The following LMBRD2 variants were observed in gnomAD, a reference collection of about 807,000 sequenced individuals.
The protein encoded by LMBRD2 is LMBR1 domain containing 2.
LMBRD2 carries 55 observed loss-of-function variants against 94.4 expected under a neutral mutation model. That is an observed-to-expected ratio of 0.58 (90% CI 0.47 to 0.73). LMBRD2 has a LOEUF of 0.73. LMBRD2 is among the 30% of genes least tolerant of loss of function. The pLI, the probability that LMBRD2 is intolerant of heterozygous loss-of-function variation, is 0.00. For missense variants in LMBRD2, 640 were observed against 831.9 expected (o/e 0.77, Z 2.84); for synonymous variants, 246 against 272.4 (o/e 0.90, Z 0.95).
intron 6 of LMBRD2, among the ~76,000 whole-genome samples, chr5:36,124,792 T>C (rs1419367087): frequency 1.3e-5 from 2 of 152,146 alleles, no homozygotes; most frequent in Non-Finnish European, 2.9e-5. Flanking sequence ...CTCAGGCCTG[T>C]AATCCCAGCA....
At chr5:36,136,554 T>A in intron 5 of LMBRD2, 35 bp from the exon 6 acceptor site, 1 of 1,571,824 alleles carries the variant, frequency 6.4e-7, no homozygotes, top group African/African-American at 1.4e-5. Context: ...TATGTATATT[T>A]TAATGGAAAG....
intron 16 of LMBRD2, among the ~76,000 whole-genome samples, chr5:36,107,174 T>G (rs746527489): frequency 2.6e-5 from 4 of 152,164 alleles, no homozygotes; most frequent in Non-Finnish European, 4.4e-5. Flanking sequence ...ATTAAAATAT[T>G]TTTAACATTT....
At chr5:36,134,418 G>A (rs1039329491) in intron 6 of LMBRD2, among the ~76,000 whole-genome samples, 1 of 152,074 alleles carries the variant, frequency 6.6e-6, no homozygotes, top group Admixed American at 6.6e-5. Context: ...TGTGTCCCCT[G>A]AAACCTAACC....
At chr5:36,149,868 T>C (rs540577014) in intron 1 of LMBRD2, among the ~76,000 whole-genome samples, 6 of 152,020 alleles carry the variant, frequency 3.9e-5, no homozygotes, top group Non-Finnish European at 7.4e-5. Context: ...GATTGCGCCA[T>C]TGCACTCCAG....
At chr5:36,130,058 G>A (rs1027678805) in intron 6 of LMBRD2, among the ~76,000 whole-genome samples, 3 of 151,654 alleles carry the variant, frequency 2.0e-5, no homozygotes, top group Non-Finnish European at 4.4e-5. Flanking sequence ...GAGCGGGGAG[G>A]GATAGCATTA....
chr5:36,134,063 T>C (rs1257567826), intron 6 of LMBRD2, among the ~76,000 whole-genome samples: 24 of 152,098 alleles, frequency 1.6e-4, no homozygotes, highest in Admixed American at 1.6e-3. Context: ...AATATCAGTT[T>C]TCAATTTTTT....
At chr5:36,126,369 T>G (rs900921116) in intron 6 of LMBRD2, among the ~76,000 whole-genome samples, 36 of 152,234 alleles carry the variant, frequency 2.4e-4, no homozygotes, top group African/African-American at 8.2e-4. Flanking sequence ...ATTATAAATT[T>G]AGGGTTCCTT....
chr5:36,118,242 T>C (rs1743805203), intron 9 of LMBRD2, among the ~76,000 whole-genome samples: 1 of 152,014 alleles, frequency 6.6e-6, no homozygotes, highest in Admixed American at 6.6e-5. Flanking sequence ...TGGCCTATAC[T>C]CCCCAAAACA....
intron 6 of LMBRD2, among the ~76,000 whole-genome samples, chr5:36,134,654 A>C (rs1299268631): frequency 6.6e-6 from 1 of 152,082 alleles, no homozygotes; most frequent in Admixed American, 6.6e-5. Context: ...CCACCAGAAG[A>C]CAGAAGACAA....
chr5:36,133,753 A>C (rs949608723), intron 6 of LMBRD2, among the ~76,000 whole-genome samples: 1 of 152,168 alleles, frequency 6.6e-6, no homozygotes, highest in African/African-American at 2.4e-5. Flanking sequence ...CTATACTAAA[A>C]TAGCAGAGAA....
At chr5:36,120,222 G>A (rs151323930) in intron 9 of LMBRD2, among the ~76,000 whole-genome samples, 4,854 of 149,104 alleles carry the variant, frequency 0.033, 277 homozygotes, top group African/African-American at 0.11. Flanking sequence ...GTGCAGTGGC[G>A]CAATCTCGGC....
At chr5:36,113,489 T>A (rs1373237783) in intron 13 of LMBRD2, among the ~76,000 whole-genome samples, 1 of 152,098 alleles carries the variant, frequency 6.6e-6, no homozygotes, top group Non-Finnish European at 1.5e-5. Flanking sequence ...CCTGCTACAA[T>A]TTGAAGTTAT....
intron 13 of LMBRD2, among the ~76,000 whole-genome samples, chr5:36,112,097 A>C (rs536582443): frequency 6.6e-6 from 1 of 152,254 alleles, no homozygotes; most frequent in Admixed American, 6.5e-5. Context: ...AAAGCAATTT[A>C]GAAAAAGTGA....
chr5:36,116,357 T>C, intron 11 of LMBRD2, 103 bp downstream of exon 11: 1 of 1,002,796 alleles, frequency 1.0e-6, no homozygotes, highest in Admixed American at 2.4e-5. Flanking sequence ...CTGATAGAAA[T>C]ATAGATGTTA....
In LMBRD2 at chr5:36,098,714, G is replaced by A. The variant is rs1743291712; in HGVS notation, c.*5332C>T. On this transcript the variant is annotated 3_prime_UTR_variant, in exon 18 of 18. Transcript: ENST00000296603. ...AATCAATTTATCAAAACCAAACTGA[G>A]CGAACACTATGCATAGATAAGGCCA... The A allele has an allele frequency of 6.6e-6, 1 of 152,026 alleles. No individual in the cohort carries two copies. Among genetic ancestry groups the A allele is most frequent in the African/African-American group, 2.4e-5 (1 of 41,426 alleles). The allele number at this position is 152,026 out of a possible 1,614,324, so 9.4% of individuals were successfully genotyped here. A position where few individuals can be genotyped will look rare whatever the true frequency, so the allele number is the denominator to read the frequency against.
chr5:36,146,582 G>A (rs1561525149), intron 1 of LMBRD2, among the ~76,000 whole-genome samples: 1 of 152,030 alleles, frequency 6.6e-6, no homozygotes, highest in Non-Finnish European at 1.5e-5. Flanking sequence ...TTGCTATGTT[G>A]CCCAGGCTGG....
chr5:36,116,671 C>A (rs2111861206), intron 10 of LMBRD2, 78 bp from the exon 11 acceptor site: 1 of 1,413,646 alleles, frequency 7.1e-7, no homozygotes, highest in Middle Eastern at 2.0e-4. Context: ...CATTATCCTT[C>A]ATTTCTTTTT....
In LMBRD2 at chr5:36,102,178, TC is replaced by T. The variant is rs1299722356; in HGVS notation, c.*1867del. On this transcript the variant is annotated 3_prime_UTR_variant, in exon 18 of 18. Coordinates refer to ENST00000296603, the MANE Select transcript of LMBRD2 (RefSeq NM_001007527.2). Reference sequence around the variant, plus strand: ...CATTTCTGGGATGATCATTTCCCCATCCAATACCTTCAAGTATCACTAGGAA... The same window carrying T: ...CATTTCTGGGATGATCATTTCCCCATCAATACCTTCAAGTATCACTAGGAA... 2 of 151,914 alleles carry T rather than the reference TC, an allele frequency of 1.3e-5. No homozygotes were observed. The highest frequency in any genetic ancestry group is 3.9e-4 in the East Asian group (2 of 5,192). The allele number at this position is 151,914 out of a possible 1,614,324, so 9.4% of individuals were successfully genotyped here.
chr5:36,122,072 T>C (rs981008346), intron 9 of LMBRD2, among the ~76,000 whole-genome samples: 2 of 152,188 alleles, frequency 1.3e-5, no homozygotes, highest in Non-Finnish European at 2.9e-5. Flanking sequence ...TTTTATTATT[T>C]GTGAAGTAAC....
Sources: gnomAD v4.1 joint callset for allele counts (sites outside exome capture counted in the v4.1 genomes callset) on GRCh38, gnomAD v4.1.1 for gene constraint, MANE v1.5 for transcripts, NCBI Gene and HGNC (gene_info 2026-07-23, HGNC 2026-07-21) for gene names.